The following TEN1 variants were observed in gnomAD, a reference collection of about 807,000 sequenced individuals.
TEN1 encodes the protein CST complex subunit TEN1.
Under a neutral mutation model 9.3 loss-of-function variants are expected in TEN1, and 6 were observed. The observed-to-expected ratio is 0.65, with a 90% CI of 0.35 to 1.27. The LOEUF is 1.27. Ranked by LOEUF, TEN1 falls within the 50% of genes most tolerant of loss-of-function variation. TEN1 has a pLI of 0.03. For missense variants in TEN1, 149 were observed against 158.2 expected (o/e 0.94, Z 0.31); for synonymous variants, 65 against 65.6 (o/e 0.99, Z 0.04).
chr17:75,985,897 T>TA (rs2144346577), intron 1 of TEN1, among the ~76,000 whole-genome samples: 1 of 151,624 alleles, frequency 6.6e-6, no homozygotes, highest in South Asian at 2.1e-4. Flanking sequence ...TTTATATATA[T>TA]TTTTTATTAT....
At chr17:75,980,102 C>T (rs183190013) in intron 1 of TEN1, among the ~76,000 whole-genome samples, 4 of 152,134 alleles carry the variant, frequency 2.6e-5, no homozygotes, top group Admixed American at 2.6e-4. Flanking sequence ...TTTGGGAGGA[C>T]GAGGCGGGCG....
intron 1 of TEN1, among the ~76,000 whole-genome samples, chr17:75,982,171 C>A (rs538771167): frequency 4.9e-4 from 75 of 152,344 alleles, no homozygotes; most frequent in African/African-American, 1.6e-3. Flanking sequence ...GGTCCTCCCC[C>A]ACACCCAGAA....
chr17:75,994,434 C>CAAAA (rs372733441), intron 3 of TEN1, among the ~76,000 whole-genome samples: 2 of 136,494 alleles, frequency 1.5e-5, no homozygotes, highest in Non-Finnish European at 3.2e-5. Context: ...AACTCCGTCT[C>CAAAA]AAAAAAAAAA....
chr17:75,993,137 C>T (rs1214949684), intron 3 of TEN1, among the ~76,000 whole-genome samples: 6 of 142,146 alleles, frequency 4.2e-5, no homozygotes, highest in East Asian at 2.1e-4. Context: ...GACGGAGTGT[C>T]GCTCTCGCCA....
rs78168416 is a variant in TEN1, at chr17:75,997,046, A to C, written c.251-3095A>C. The stretch of plus-strand genomic sequence containing the variant: ...GCTGCACCTTGGACTTGTTTTCCTG[A>C]AATTGCATGCCATCCACTCTCCCTT... On this transcript the variant is annotated intron_variant, in intron 3 of 3. Transcript: ENST00000397640. 1.7e-3 allele frequency among the ~76,000 whole-genome samples: 263 copies of C among 152,166 alleles called. 1 individual carries two copies. Among genetic ancestry groups the C allele is most frequent in the African/African-American group, 6.1e-3 (252 of 41,500 alleles).
intron 2 of TEN1, among the ~76,000 whole-genome samples, chr17:75,988,155 G>C (rs1310395163): frequency 6.7e-6 from 1 of 150,314 alleles, no homozygotes; most frequent in Non-Finnish European, 1.5e-5. Flanking sequence ...CAGGAGAATT[G>C]CTTGAACCCG....
At chr17:75,998,403 C>A (rs991910176) in intron 3 of TEN1, among the ~76,000 whole-genome samples, 5 of 152,030 alleles carry the variant, frequency 3.3e-5, no homozygotes, top group Admixed American at 3.3e-4. Context: ...GTCTTGCCCT[C>A]CCAAAGTGTT....
chr17:75,992,071 C>A lies in TEN1; in HGVS notation c.250+448C>A, dbSNP rs199703869. Reference sequence around the variant, plus strand: ...CAAAAAAAAAAAAAAAAAAAAAAGACAGGTACAGTGAAGAGACAATCCCCC... The same window carrying A: ...CAAAAAAAAAAAAAAAAAAAAAAGAAAGGTACAGTGAAGAGACAATCCCCC... On this transcript the variant is annotated intron_variant, in intron 3 of 3. Coordinates refer to ENST00000397640, the MANE Select transcript of TEN1 (RefSeq NM_001113324.3). Among the ~76,000 whole-genome samples the A allele has an allele frequency of 1.4e-4, 18 of 129,292 alleles. 1 individual carries two copies. The highest frequency in any genetic ancestry group is 3.9e-4 in the African/African-American group (10 of 25,700). The allele number at this position is 129,292 out of a possible 152,430, so 84.8% of individuals were successfully genotyped here. A position where few individuals can be genotyped will look rare whatever the true frequency, so the allele number is the denominator to read the frequency against.
intron 3 of TEN1, among the ~76,000 whole-genome samples, chr17:75,997,828 CCTT>C (rs1248698338): frequency 2.0e-5 from 3 of 151,924 alleles, no homozygotes; most frequent in South Asian, 2.1e-4. Context: ...TAACCCAGGC[CCTT>C]CTTCTTTGCT....
chr17:75,980,673 T>G (rs2066111567), intron 1 of TEN1, among the ~76,000 whole-genome samples: 2 of 152,198 alleles, frequency 1.3e-5, no homozygotes, highest in Admixed American at 6.5e-5. Flanking sequence ...TCCACCTGCC[T>G]CGGCCTCCCA....
chr17:75,991,324 TGG>T, intron 2 of TEN1, 140 bp from the exon 3 acceptor site: 1 of 823,582 alleles, frequency 1.2e-6, no homozygotes, highest in Admixed American at 2.4e-5. Flanking sequence ...CATTTTTTTC[TGG>T]TTTGTTGCTG....
intron 3 of TEN1, 38 bp downstream of exon 3, chr17:75,991,661 G>C (rs1425125574): frequency 6.5e-7 from 1 of 1,544,524 alleles, no homozygotes; most frequent in Non-Finnish European, 8.7e-7. Flanking sequence ...TCATCCTGGG[G>C]CCTGAGCTGG....
At chr17:75,998,048 C>T (rs1236940472) in intron 3 of TEN1, among the ~76,000 whole-genome samples, 2 of 151,952 alleles carry the variant, frequency 1.3e-5, no homozygotes, top group African/African-American at 2.4e-5. Flanking sequence ...GACAGGGTTT[C>T]ACCATGTTGG....
At chr17:75,996,950 C>T (rs866878650) in intron 3 of TEN1, among the ~76,000 whole-genome samples, 27 of 152,210 alleles carry the variant, frequency 1.8e-4, no homozygotes, top group African/African-American at 6.5e-4. Context: ...ACACATCCCT[C>T]CCTGTCTCCC....
intron 1 of TEN1, 64 bp downstream of exon 1, chr17:75,979,575 G>T (rs2066098527): frequency 4.0e-6 from 1 of 250,354 alleles, no homozygotes; most frequent in East Asian, 1.1e-4. Flanking sequence ...GCCTGCACTT[G>T]CCCCCCTCTT....
chr17:75,990,501 T>C (rs1255305447), intron 2 of TEN1, among the ~76,000 whole-genome samples: 2 of 151,804 alleles, frequency 1.3e-5, no homozygotes, highest in African/African-American at 2.4e-5. Context: ...AAGATTTCTT[T>C]TTTTTTTTTC....
chr17:75,992,863 G>A (rs536829959), intron 3 of TEN1, among the ~76,000 whole-genome samples: 5 of 149,746 alleles, frequency 3.3e-5, no homozygotes, highest in Admixed American at 6.7e-5. Flanking sequence ...GCAGTGGCGC[G>A]ATCTCAGCCC....
intron 2 of TEN1, among the ~76,000 whole-genome samples, chr17:75,989,660 G>A (rs1157736402): frequency 6.6e-6 from 1 of 152,050 alleles, no homozygotes; most frequent in East Asian, 1.9e-4. Flanking sequence ...TGATCTGTCT[G>A]CCTCAGCCTA....
At chr17:75,991,374 T>C (rs901576544) in intron 2 of TEN1, 92 bp from the exon 3 acceptor site, 1 of 1,380,160 alleles carries the variant, frequency 7.2e-7, no homozygotes, top group Non-Finnish European at 1.0e-6. Flanking sequence ...GGCTGAACAC[T>C]TTTCTATAGA....
Sources: allele counts gnomAD v4.1 joint callset (sites outside exome capture counted in the v4.1 genomes callset), GRCh38; gene constraint gnomAD v4.1.1; transcripts MANE v1.5; gene names NCBI Gene and HGNC (gene_info 2026-07-23, HGNC 2026-07-21).